NOC2L: variants seen among roughly 807,000 people sequenced by gnomAD.
NOC2L encodes the protein NOC2 like nucleolar associated transcriptional repressor.
NOC2L carries 101 observed loss-of-function variants against 94.2 expected under a neutral mutation model. The observed-to-expected ratio is 1.07, with a 90% confidence interval of 0.91 to 1.26. NOC2L has a LOEUF of 1.26. NOC2L is among the 50% of genes most tolerant of loss of function. NOC2L has a pLI of 0.00. For synonymous variants in NOC2L, 531 were observed against 413.4 expected (o/e 1.28, Z -3.45); for missense variants, 1,076 against 980.1 (o/e 1.10, Z -1.31).
In NOC2L at chr1:944,723, C is replaced by T; in HGVS notation, c.2221G>A (p.Glu741Lys). 1 of 1,599,700 alleles carries T rather than the reference C, an allele frequency of 6.3e-7. No homozygotes were observed. The highest frequency in any genetic ancestry group is 8.5e-7 in the Non-Finnish European group (1 of 1,178,040). ...QLAQGPEDEL[E>K]DLQLSEDD Reference sequence around the variant, plus strand: ...TCGTCCTCTGAGAGCTGCAGATCCTCCAGCTCGTCCTCCGGCCCCTGGGCC... The same window carrying T: ...TCGTCCTCTGAGAGCTGCAGATCCTTCAGCTCGTCCTCCGGCCCCTGGGCC... Residue 741 changes from glutamate (E) to lysine (K), a missense_variant, in exon 19 of 19, where the codon GAG becomes AAG. Glu to Lys is a moderately conservative substitution (Grantham distance 56). Coordinates refer to ENST00000327044, the MANE Select transcript of NOC2L (RefSeq NM_015658.4).
intron 9 of NOC2L, 135 bp downstream of exon 9, chr1:953,040 C>G (rs1370553473): frequency 3.1e-6 from 2 of 652,340 alleles, no homozygotes; most frequent in Non-Finnish European, 5.5e-6. Flanking sequence ...ATTCGTGATC[C>G]AAGGGCCCAG....
chr1:955,783 C>T, intron 6 of NOC2L, 140 bp downstream of exon 6: 1 of 733,972 alleles, frequency 1.4e-6, no homozygotes, highest in Non-Finnish European at 2.3e-6. Context: ...TCCCTCGTGC[C>T]CCGCTGCCTT....
rs1433972914 is a variant in NOC2L, at chr1:951,211, C to G, written c.1359G>C (p.Pro453=). ...IKLIPTARFY[P]LRMHCIRALT... is the part of the protein sequence containing the mutation. Reference sequence around the variant, plus strand: ...GGGCACGGATGCAGTGCATTCGCAGCGGGTAGAAGCGGGCAGTGGGGATGA... The same window carrying G: ...GGGCACGGATGCAGTGCATTCGCAGGGGGTAGAAGCGGGCAGTGGGGATGA... Residue 453 remains proline, a synonymous_variant, in exon 12 of 19, where the codon CCG becomes CCC. Coordinates refer to ENST00000327044, the MANE Select transcript of NOC2L (RefSeq NM_015658.4). 6.3e-7 allele frequency: 1 copy of G among 1,590,526 alleles called. No homozygotes were observed. Among genetic ancestry groups the G allele is most frequent in the Admixed American group, 1.8e-5 (1 of 56,464 alleles).
rs1642052406 is a variant in NOC2L at position 944,955 on chromosome 1, G to A, written c.2143+102C>T. 5.1e-6 allele frequency: 8 copies of A among 1,571,566 alleles called. No individual in the cohort carries two copies. In the South Asian group the frequency reaches 6.9e-5, roughly 14 times the overall value. On this transcript the variant is annotated intron_variant, in intron 18 of 18. Transcript: ENST00000327044. ...CATTTGGCCTGGCCTTCCCAGGGAGGGAAAAGCCTGGCCCAGAGCCCCACG... is the reference window on the plus strand; with the variant it reads ...CATTTGGCCTGGCCTTCCCAGGGAGAGAAAAGCCTGGCCCAGAGCCCCACG...
chr1:946,191 C>A lies in NOC2L; in HGVS notation c.1899G>T (p.Glu633Asp). 6.2e-7 allele frequency: 1 copy of A among 1,612,378 alleles called. No individual in the cohort carries two copies. Among genetic ancestry groups the A allele is most frequent in the Non-Finnish European group, 8.5e-7 (1 of 1,178,878 alleles). The part of the protein sequence containing the change: ...RKLRDREIQL[E>D]ISGKERLEDL... ...GCCGCACCCGCTCTTTGCCACTGAT[C>A]TCCAGCTGGATCTCCCGGTCACGCA... is the stretch of plus-strand genomic sequence containing the variant. Residue 633 changes from glutamate (E) to aspartate (D), a missense_variant, in exon 16 of 19, where the codon GAG (glutamate) becomes GAT (aspartate). By Grantham distance (45) the Glu-to-Asp change is conservative (BLOSUM62 2). Transcript: ENST00000327044.
rs1642320298 is a variant in NOC2L, at chr1:953,676, G to C, written c.888+106C>G. ...CCTCTCTAGCCAAGCGGAGCCAGTG[G>C]AGTGTGGGCACCACCTGTGCCCTGG... On this transcript the variant is annotated intron_variant, in intron 8 of 18. Coordinates refer to ENST00000327044, the MANE Select transcript of NOC2L (RefSeq NM_015658.4). 4.8e-6 allele frequency: 4 copies of C among 826,978 alleles called. No individual in the cohort carries two copies. In the Admixed American group the frequency reaches 8.5e-5, roughly 18 times the overall value. The allele number at this position is 826,978 out of a possible 1,614,324, so 51.2% of individuals were successfully genotyped here.
chr1:959,229 C>T lies in NOC2L; in HGVS notation c.12G>A (p.Ala4=), dbSNP rs965313571. The T allele has an allele frequency of 1.9e-6, 3 of 1,607,048 alleles. No individual in the cohort carries two copies. Among genetic ancestry groups the T allele is most frequent in the East Asian group, 2.2e-5 (1 of 44,498 alleles). Residue 4 remains alanine (A), a synonymous_variant, in exon 1 of 19, where the codon GCG becomes GCA. Coordinates refer to ENST00000327044, the MANE Select transcript of NOC2L (RefSeq NM_015658.4). MAA[A]GSRKRRLAEL... is the part of the protein sequence containing the mutation. ...CCGCGGCTTACCTCTTGCGGCTCCC[C>T]GCAGCTGCCATGACACCAACCCGAA...
rs1330853743 is a variant in NOC2L at position 956,227 on chromosome 1, A to G, written c.487-12T>C. The G allele has an allele frequency of 6.2e-7, 1 of 1,612,738 alleles. No homozygotes were observed. The highest frequency in any genetic ancestry group is 1.1e-5 in the South Asian group (1 of 91,072). ...GGAGTGAGGCGTTGCTGAAGGAGCA[A>G]GAGTACCAGGGGCGTCAGGGGAGCT... On this transcript the variant is annotated splice_polypyrimidine_tract_variant and intron_variant, in intron 4 of 18. Transcript: ENST00000327044.
intron 6 of NOC2L, among the ~76,000 whole-genome samples, chr1:955,479 T>C (rs577916153): frequency 6.6e-6 from 1 of 152,292 alleles, no homozygotes; most frequent in African/African-American, 2.4e-5. Flanking sequence ...AATCTTTCTC[T>C]AAAGGGGAAG....
chr1:955,167 G>C (rs1165081896), intron 6 of NOC2L, among the ~76,000 whole-genome samples: 2 of 152,240 alleles, frequency 1.3e-5, no homozygotes, highest in Non-Finnish European at 2.9e-5. Context: ...CCATCTGCCA[G>C]CTTCCTTGTC....
chr1:946,686 A>G (rs1238868051), intron 14 of NOC2L, 141 bp from the exon 15 acceptor site: 2 of 1,008,852 alleles, frequency 2.0e-6, no homozygotes, highest in Non-Finnish European at 2.9e-6. Context: ...GCTCAAGTGC[A>G]TAGCTGTTGC....
intron 12 of NOC2L, among the ~76,000 whole-genome samples, chr1:949,992 G>C (rs1432161142): frequency 1.3e-5 from 2 of 152,208 alleles, no homozygotes; most frequent in Non-Finnish European, 2.9e-5. Context: ...CAGCGGGGTG[G>C]GGCCTAACCC....
intron 6 of NOC2L, among the ~76,000 whole-genome samples, chr1:955,585 T>C (rs1642377759): frequency 6.6e-6 from 1 of 151,650 alleles, no homozygotes; most frequent in South Asian, 2.1e-4. Flanking sequence ...GATCAAGGAG[T>C]ATGGACAGGA....
intron 7 of NOC2L, 56 bp from the exon 8 acceptor site, chr1:953,948 A>G: frequency 6.2e-7 from 1 of 1,607,074 alleles, no homozygotes; most frequent in Non-Finnish European, 8.5e-7. Context: ...GGATACAAAA[A>G]AGGACCGACC....
chr1:948,669 G>A, intron 12 of NOC2L, 66 bp from the exon 13 acceptor site: 4 of 1,343,182 alleles, frequency 3.0e-6, no homozygotes, highest in Non-Finnish European at 4.3e-6. Context: ...CACCCTGGCT[G>A]CACCCTGGTC....
Position 959,127 on chromosome 1 carries a change from C to T in NOC2L, c.27-46G>A, listed in dbSNP as rs567659310. ...ACAGCTGCCCGCACGCCCAGCTCGC[C>T]CCAGCCCCGCTGAGAGGAGCAAGAA... On this transcript the variant is annotated intron_variant, in intron 1 of 18. Coordinates refer to ENST00000327044, the MANE Select transcript of NOC2L (RefSeq NM_015658.4). 3.1e-6 allele frequency: 5 copies of T among 1,611,658 alleles called. No individual in the cohort carries two copies. In the Admixed American group the frequency reaches 8.3e-5, roughly 27 times the overall value.
intron 6 of NOC2L, among the ~76,000 whole-genome samples, chr1:955,304 C>T (rs952095663): frequency 3.3e-5 from 5 of 152,264 alleles, no homozygotes; most frequent in African/African-American, 1.2e-4. Flanking sequence ...CTGTGGGTCT[C>T]CTTTCTTCCT....
intron 17 of NOC2L, 67 bp from the exon 18 acceptor site, chr1:945,213 G>C (rs1642067713): frequency 2.0e-6 from 3 of 1,528,544 alleles, no homozygotes; most frequent in South Asian, 1.2e-5. Context: ...GTCACAGTGG[G>C]GGCAGGAGGG....
intron 11 of NOC2L, among the ~76,000 whole-genome samples, 180 bp from the exon 12 acceptor site, chr1:951,418 C>A (rs971364257): frequency 1.3e-5 from 2 of 149,534 alleles, no homozygotes; most frequent in Non-Finnish European, 2.9e-5. Flanking sequence ...GGTACCTTAC[C>A]CAGCTTTCAG....
Sources: gnomAD v4.1 joint callset for allele counts (sites outside exome capture counted in the v4.1 genomes callset) on GRCh38, gnomAD v4.1.1 for gene constraint, MANE v1.5 for transcripts, NCBI Gene and HGNC (gene_info 2026-07-23, HGNC 2026-07-21) for gene names.